The following GRIN2B variants were observed in gnomAD, a reference collection of about 807,000 sequenced individuals.
The protein encoded by GRIN2B is glutamate receptor ionotropic, NMDA 2B.
In GRIN2B, 5 loss-of-function variants were observed where a neutral mutation model predicts 114.5. The ratio of observed to expected loss-of-function variants is 0.04; its 90% CI spans 0.02 to 0.09. GRIN2B has a LOEUF of 0.09. GRIN2B is among the 10% of genes least tolerant of loss of function. The pLI is 1.00. For synonymous variants in GRIN2B, 787 were observed against 745.1 expected, an observed-to-expected ratio of 1.06 and a Z score of -0.92; for missense variants, 1,108 against 1,943.5, an observed-to-expected ratio of 0.57 and a Z score of 8.08.
intron 3 of GRIN2B, among the ~76,000 whole-genome samples, chr12:13,754,260 T>C (rs1436403294): frequency 6.6e-6 from 1 of 152,186 alleles, no homozygotes; most frequent in Non-Finnish European, 1.5e-5. Flanking sequence ...TCACATAGTG[T>C]AGAATAAAGG....
chr12:13,563,595 A>C lies in GRIN2B; in HGVS notation c.3643T>G (p.Cys1215Gly), dbSNP rs1332813279. 1 of 1,613,994 alleles carries C rather than the reference A, an allele frequency of 6.2e-7. No homozygotes were observed. The highest frequency in any genetic ancestry group is 8.5e-7 in the Non-Finnish European group (1 of 1,180,026). The change falls in exon 14 of 14, where the codon TGC (cysteine) becomes GGC (glycine). Residue 1215 changes from cysteine (C) to glycine (G), a missense_variant. By Grantham distance (159) the Cys-to-Gly change is radical. Around this residue, in one of 19 missense-constraint regions of GRIN2B, gnomAD observed 478 missense variants for 506.0 expected, o/e 0.94. Transcript: ENST00000609686. ...EWEDRSGGNF[C>G]RSCPSKLHNY... is the part of the protein sequence containing the mutation. The stretch of plus-strand genomic sequence containing the variant: ...TGCAGCTTGGAGGGACAGCTGCGGC[A>C]GAAGTTGCCCCCGGACCGGTCCTCC...
chr12:13,939,543 CTT>C (rs59671145), intron 2 of GRIN2B, among the ~76,000 whole-genome samples: 32 of 88,046 alleles, frequency 3.6e-4, no homozygotes, highest in African/African-American at 1.4e-3. Context: ...CTGCACCGTG[CTT>C]TTTTTTTTTT....
chr12:13,875,689 T>C (rs1392557822), intron 2 of GRIN2B, among the ~76,000 whole-genome samples: 1 of 152,176 alleles, frequency 6.6e-6, no homozygotes, highest in Non-Finnish European at 1.5e-5. Flanking sequence ...TGTTTTGTAA[T>C]GGAGAGAGCA....
intron 3 of GRIN2B, among the ~76,000 whole-genome samples, chr12:13,833,564 T>C (rs1239435406): frequency 6.6e-6 from 1 of 152,208 alleles, no homozygotes; most frequent in Non-Finnish European, 1.5e-5. Context: ...ACATCTTGAA[T>C]TCCTACTATC....
At chr12:13,924,417 TGAGG>T (rs1200260239) in intron 2 of GRIN2B, among the ~76,000 whole-genome samples, 4 of 151,992 alleles carry the variant, frequency 2.6e-5, no homozygotes, top group Non-Finnish European at 4.4e-5. Context: ...AGAAGAAAGG[TGAGG>T]GAGCTGCTAA....
At chr12:13,901,182 T>A (rs1866445433) in intron 2 of GRIN2B, among the ~76,000 whole-genome samples, 1 of 152,156 alleles carries the variant, frequency 6.6e-6, no homozygotes, top group African/African-American at 2.4e-5. Flanking sequence ...ATCAGTTGAG[T>A]ATATATCGGC....
intron 2 of GRIN2B, among the ~76,000 whole-genome samples, chr12:13,905,327 A>G (rs2136791773): frequency 6.6e-6 from 1 of 152,320 alleles, no homozygotes; most frequent in East Asian, 1.9e-4. Flanking sequence ...ATCAGCTGCT[A>G]GATCAATCAG....
chr12:13,639,004 C>T (rs1479334780), intron 5 of GRIN2B, among the ~76,000 whole-genome samples: 2 of 152,062 alleles, frequency 1.3e-5, no homozygotes, highest in African/African-American at 4.8e-5. Context: ...GGAATGCTTC[C>T]TATCTCTCAA....
chr12:13,655,111 G>A (rs1297413077), intron 5 of GRIN2B, among the ~76,000 whole-genome samples: 1 of 152,142 alleles, frequency 6.6e-6, no homozygotes, highest in Non-Finnish European at 1.5e-5. Context: ...ACCCAGAGAA[G>A]TTAAGACTTA....
At chr12:13,657,960 C>G (rs190555720) in intron 5 of GRIN2B, among the ~76,000 whole-genome samples, 3 of 152,216 alleles carry the variant, frequency 2.0e-5, no homozygotes, top group Admixed American at 1.3e-4. Flanking sequence ...AATCCTAGCC[C>G]TTTGGGAGGC....
intron 10 of GRIN2B, among the ~76,000 whole-genome samples, chr12:13,577,872 CA>C (rs1948798371): frequency 6.6e-6 from 1 of 152,194 alleles, no homozygotes; most frequent in African/African-American, 2.4e-5. Context: ...AACATTCATT[CA>C]GTTTTTCATC....
At chr12:13,953,773 C>G (rs1867537900) in intron 2 of GRIN2B, among the ~76,000 whole-genome samples, 1 of 152,220 alleles carries the variant, frequency 6.6e-6, no homozygotes. Context: ...AAGGTTCACA[C>G]TGGCTTCCTG....
intron 2 of GRIN2B, among the ~76,000 whole-genome samples, chr12:13,972,594 C>T (rs1002541148): frequency 2.0e-5 from 3 of 152,148 alleles, no homozygotes; most frequent in Admixed American, 6.5e-5. Flanking sequence ...CCATGCATTC[C>T]AAGGGGGCTC....
At chr12:13,674,750 T>A (rs1950055516) in intron 5 of GRIN2B, among the ~76,000 whole-genome samples, 1 of 152,114 alleles carries the variant, frequency 6.6e-6, no homozygotes, top group Non-Finnish European at 1.5e-5. Flanking sequence ...TCACAGAATA[T>A]GAATATCATG....
intron 10 of GRIN2B, among the ~76,000 whole-genome samples, chr12:13,604,667 C>T (rs1949213091): frequency 6.6e-6 from 1 of 152,140 alleles, no homozygotes; most frequent in African/African-American, 2.4e-5. Flanking sequence ...ACAGAATATA[C>T]TTCCTCTCAT....
chr12:13,922,154 A>C (rs561744055), intron 2 of GRIN2B, among the ~76,000 whole-genome samples: 16 of 152,282 alleles, frequency 1.1e-4, no homozygotes, highest in African/African-American at 3.9e-4. Context: ...ACTGGATTTG[A>C]GTAGTGTAAA....
intron 3 of GRIN2B, among the ~76,000 whole-genome samples, chr12:13,856,498 G>A (rs1026909249): frequency 6.6e-6 from 1 of 152,112 alleles, no homozygotes; most frequent in Admixed American, 6.5e-5. Flanking sequence ...GGGACAAATT[G>A]GAGCTACCTA....
chr12:13,870,440 G>A (rs1673412709), intron 2 of GRIN2B, among the ~76,000 whole-genome samples: 2 of 152,100 alleles, frequency 1.3e-5, no homozygotes, highest in Admixed American at 6.6e-5. Flanking sequence ...GAAGGCCACA[G>A]GAGCTTATCT....
chr12:13,763,934 G>T (rs1364662288), intron 3 of GRIN2B, among the ~76,000 whole-genome samples: 2 of 152,048 alleles, frequency 1.3e-5, no homozygotes, highest in Non-Finnish European at 2.9e-5. Flanking sequence ...ATGGCTGCTG[G>T]TTATTAGCAC....
Sources: gnomAD v4.1 joint callset for allele counts (sites outside exome capture counted in the v4.1 genomes callset) on GRCh38, gnomAD v4.1.1 for gene constraint, gnomAD v4.1.1 regional missense constraint, MANE v1.5 for transcripts, NCBI Gene and HGNC (gene_info 2026-07-23, HGNC 2026-07-21) for gene names.